The following KCNQ5 variants were observed in gnomAD, a reference collection of about 807,000 sequenced individuals.
KCNQ5 encodes the protein potassium voltage-gated channel subfamily Q member 5, also known as potassium voltage-gated channel subfamily KQT member 5.
KCNQ5 carries 30 observed loss-of-function variants against 98.2 expected under a neutral mutation model. That is an observed-to-expected ratio of 0.31 (90% CI 0.23 to 0.41). The LOEUF (loss-of-function observed/expected upper bound fraction) is 0.41. Among genes scored for constraint, KCNQ5 ranks in the 10% least tolerant of loss-of-function variants. The pLI is 1.00. For synonymous variants in KCNQ5, 458 were observed against 449.4 expected, an observed-to-expected ratio of 1.02 and a Z score of -0.24; for missense variants, 835 against 1,182.5, an observed-to-expected ratio of 0.71 and a Z score of 4.31.
chr6:73,165,943 G>GA (rs1332658256), intron 10 of KCNQ5, among the ~76,000 whole-genome samples: 9 of 148,414 alleles, frequency 6.1e-5, no homozygotes, highest in East Asian at 2.0e-4. Context: ...TCAAAAAAAA[G>GA]AAAAAAAAAG....
chr6:72,842,097 G>A (rs1050013482), intron 1 of KCNQ5, among the ~76,000 whole-genome samples: 3 of 152,118 alleles, frequency 2.0e-5, no homozygotes, highest in Non-Finnish European at 4.4e-5. Context: ...CACACATCAC[G>A]AAGCAAGGGT....
At chr6:73,155,250 C>A (rs1332169956) in intron 10 of KCNQ5, among the ~76,000 whole-genome samples, 1 of 152,166 alleles carries the variant, frequency 6.6e-6, no homozygotes, top group African/African-American at 2.4e-5. Flanking sequence ...CAAAGTGCCA[C>A]AAAAGTTACA....
At chr6:72,815,511 T>G (rs531292908) in intron 1 of KCNQ5, among the ~76,000 whole-genome samples, 2 of 152,084 alleles carry the variant, frequency 1.3e-5, no homozygotes, top group Non-Finnish European at 2.9e-5. Context: ...CAGTTTAGTT[T>G]GACGAAAGGG....
At chr6:73,141,150 G>C (rs1430324781) in intron 10 of KCNQ5, among the ~76,000 whole-genome samples, 5 of 152,176 alleles carry the variant, frequency 3.3e-5, no homozygotes, top group Admixed American at 6.5e-5. Context: ...CAAGATCATG[G>C]TGCTGGAAGA....
chr6:72,811,673 A>C lies in KCNQ5; in HGVS notation c.398+189086A>C, dbSNP rs146819397. Among the ~76,000 whole-genome samples the C allele has an allele frequency of 2.6e-5, 4 of 152,236 alleles. No homozygotes were observed. The East Asian group carries it at 7.7e-4, about 29-fold the overall frequency. On this transcript the variant is annotated intron_variant, in intron 1 of 13. Coordinates refer to ENST00000370398, the MANE Select transcript of KCNQ5 (RefSeq NM_019842.4). Reference sequence around the variant, plus strand: ...TAAGGATGATTCTTTCTGCCCCAGTAGATTAAGAGCCTGTGGAGGCCAAGT... The same window carrying C: ...TAAGGATGATTCTTTCTGCCCCAGTCGATTAAGAGCCTGTGGAGGCCAAGT...
At chr6:72,904,803 CCTTCATTTTAATAAT>C (rs749280505) in intron 1 of KCNQ5, among the ~76,000 whole-genome samples, 68 of 152,104 alleles carry the variant, frequency 4.5e-4, no homozygotes, top group Non-Finnish European at 8.2e-4. Flanking sequence ...AAGATACTTT[CCTTCATTTTAATAAT>C]CTTCATTTAG....
chr6:72,987,131 T>C (rs1768819765), intron 1 of KCNQ5: 1 of 658,266 alleles, frequency 1.5e-6, no homozygotes, highest in East Asian at 2.7e-5. Context: ...CCAAAGGAGA[T>C]GGCCCTAAGG....
intron 1 of KCNQ5, among the ~76,000 whole-genome samples, chr6:73,000,082 G>C (rs992716979): frequency 6.6e-6 from 1 of 152,052 alleles, no homozygotes; most frequent in East Asian, 1.9e-4. Flanking sequence ...GCTTCTACTT[G>C]TATTCAACCA....
chr6:72,957,371 A>G (rs1283431100), intron 1 of KCNQ5, among the ~76,000 whole-genome samples: 1 of 151,594 alleles, frequency 6.6e-6, no homozygotes, highest in African/African-American at 2.4e-5. Flanking sequence ...GGGTTTCACC[A>G]TGTTGGCCAG....
intron 1 of KCNQ5, among the ~76,000 whole-genome samples, chr6:72,804,473 T>A (rs1018739359): frequency 3.3e-5 from 5 of 152,078 alleles, no homozygotes; most frequent in Non-Finnish European, 7.4e-5. Flanking sequence ...ATGACTCTAG[T>A]TCCATCTATG....
chr6:72,846,635 T>G (rs553171379), intron 1 of KCNQ5, among the ~76,000 whole-genome samples: 165 of 152,230 alleles, frequency 1.1e-3, no homozygotes, highest in African/African-American at 3.8e-3. Flanking sequence ...GCCACCATTG[T>G]GCCACTGCAC....
chr6:73,187,351 G>A (rs1483804699), intron 11 of KCNQ5, among the ~76,000 whole-genome samples: 1 of 152,150 alleles, frequency 6.6e-6, no homozygotes, highest in Admixed American at 6.5e-5. Flanking sequence ...GAGCCACCAC[G>A]CCCGGCCTAA....
chr6:72,730,783 G>A (rs1045837192), intron 1 of KCNQ5, among the ~76,000 whole-genome samples: 2 of 151,602 alleles, frequency 1.3e-5, no homozygotes, highest in African/African-American at 4.9e-5. Flanking sequence ...TTTCCTGGCT[G>A]CTCTTGTTTG....
At chr6:72,853,799 C>G (rs536720714) in intron 1 of KCNQ5, among the ~76,000 whole-genome samples, 6 of 152,278 alleles carry the variant, frequency 3.9e-5, no homozygotes, top group Admixed American at 3.3e-4. Flanking sequence ...ATCAGTAGTA[C>G]CCTTTCCAAC....
At chr6:73,162,830 C>CA (rs1777664117) in intron 10 of KCNQ5, among the ~76,000 whole-genome samples, 1 of 152,190 alleles carries the variant, frequency 6.6e-6, no homozygotes, top group South Asian at 2.1e-4. Context: ...CTCAGGCCTG[C>CA]ATGGATTTTC....
intron 1 of KCNQ5, among the ~76,000 whole-genome samples, chr6:72,883,867 TG>T: frequency 6.6e-6 from 1 of 152,084 alleles, no homozygotes; most frequent in East Asian, 1.9e-4. Flanking sequence ...AAGAGTGAGG[TG>T]GTACTTCAAA....
chr6:72,701,504 G>C (rs1561930520), intron 1 of KCNQ5, among the ~76,000 whole-genome samples: 1 of 152,304 alleles, frequency 6.6e-6, no homozygotes, highest in South Asian at 2.1e-4. Context: ...CTATAGCTAA[G>C]AGTTATTTTG....
At chr6:72,842,606 T>C (rs1186837282) in intron 1 of KCNQ5, among the ~76,000 whole-genome samples, 2 of 152,202 alleles carry the variant, frequency 1.3e-5, no homozygotes, top group Non-Finnish European at 2.9e-5. Flanking sequence ...CTACCAACAG[T>C]GTAAAAGTGT....
rs774188517 is a variant in KCNQ5, at chr6:73,133,678, T to A, written c.1468+37T>A. ...TTTTCCATAACCATTTTTAATTGGA[T>A]AGGCTATAGTGAGTGAGATTATGAA... On this transcript the variant is annotated intron_variant, in intron 10 of 13. Coordinates refer to ENST00000370398, the MANE Select transcript of KCNQ5 (RefSeq NM_019842.4). The A allele has an allele frequency of 2.6e-6, 4 of 1,546,718 alleles. 1 individual carries two copies. In the South Asian group the frequency reaches 4.5e-5, roughly 17 times the overall value.
Sources: gnomAD v4.1 joint callset for allele counts (sites outside exome capture counted in the v4.1 genomes callset) on GRCh38, gnomAD v4.1.1 for gene constraint, MANE v1.5 for transcripts, NCBI Gene and HGNC (gene_info 2026-07-23, HGNC 2026-07-21) for gene names.